Variants in HCRTR2 observed in about 807,000 individuals in gnomAD.
HCRTR2 encodes the protein hypocretin receptor 2, also known as orexin receptor type 2.
Under a neutral mutation model 49.0 loss-of-function variants are expected in HCRTR2, and 22 were observed. That is an observed-to-expected ratio of 0.45 (90% CI 0.32 to 0.64). The LOEUF (loss-of-function observed/expected upper bound fraction) is 0.64. HCRTR2 is among the 30% of genes least tolerant of loss of function. The probability of loss-of-function intolerance (pLI) is 0.04; values close to 1 mark genes in which losing one functional copy is unlikely to be tolerated. For missense variants in HCRTR2, 491 were observed against 559.4 expected, an observed-to-expected ratio of 0.88 and a Z score of 1.23; for synonymous variants, 236 against 205.3, an observed-to-expected ratio of 1.15 and a Z score of -1.28.
At chr6:55,186,312 T>C (rs1765215252) in intron 1 of HCRTR2, among the ~76,000 whole-genome samples, 1 of 152,220 alleles carries the variant, frequency 6.6e-6, no homozygotes, top group Non-Finnish European at 1.5e-5. Flanking sequence ...ATTTCTTCTA[T>C]ATAAATATTT....
At chr6:55,194,038 G>A (rs567017159) in intron 1 of HCRTR2, among the ~76,000 whole-genome samples, 1 of 151,966 alleles carries the variant, frequency 6.6e-6, no homozygotes, top group South Asian at 2.1e-4. Context: ...TGTTTCATTT[G>A]TCTGAATTCC....
chr6:55,255,739 A>C (rs1458510731), intron 3 of HCRTR2, among the ~76,000 whole-genome samples: 2 of 152,196 alleles, frequency 1.3e-5, no homozygotes, highest in African/African-American at 4.8e-5. Context: ...CACGATTTAT[A>C]AGATGGTTCA....
chr6:55,216,535 AG>A (rs1765790750), intron 1 of HCRTR2, among the ~76,000 whole-genome samples: 1 of 152,236 alleles, frequency 6.6e-6, no homozygotes, highest in South Asian at 2.1e-4. Context: ...AACTAGAAGA[AG>A]GGGTTAATGG....
At chr6:55,221,853 T>C (rs1400064743) in intron 1 of HCRTR2, among the ~76,000 whole-genome samples, 3 of 149,302 alleles carry the variant, frequency 2.0e-5, no homozygotes, top group Non-Finnish European at 4.4e-5. Flanking sequence ...ATGAAACTCA[T>C]AGAGAAAAAC....
At chr6:55,176,514 G>T (rs1193664831) in intron 1 of HCRTR2, among the ~76,000 whole-genome samples, 2 of 152,074 alleles carry the variant, frequency 1.3e-5, no homozygotes, top group African/African-American at 4.8e-5. Flanking sequence ...AACACTTATT[G>T]ATAAGTGAAT....
intron 1 of HCRTR2, among the ~76,000 whole-genome samples, chr6:55,222,515 G>GCC: frequency 6.6e-6 from 1 of 152,144 alleles, no homozygotes; most frequent in Non-Finnish European, 1.5e-5. Flanking sequence ...ATTTACAATA[G>GCC]TCAAGAGGTG....
chr6:55,196,885 G>C (rs1185660638), intron 1 of HCRTR2, among the ~76,000 whole-genome samples: 1 of 152,082 alleles, frequency 6.6e-6, no homozygotes, highest in African/African-American at 2.4e-5. Flanking sequence ...TGGTCTTCCA[G>C]GAAGCCTTGA....
At chr6:55,145,504 G>C (rs889314422) in intron 1 of HCRTR2, among the ~76,000 whole-genome samples, 1 of 151,330 alleles carries the variant, frequency 6.6e-6, no homozygotes, top group Non-Finnish European at 1.5e-5. Flanking sequence ...TCCGCCTCCC[G>C]GGTTCATGCC....
intron 4 of HCRTR2, among the ~76,000 whole-genome samples, chr6:55,270,819 G>A (rs1195070615): frequency 1.3e-5 from 2 of 152,018 alleles, no homozygotes; most frequent in African/African-American, 2.4e-5. Flanking sequence ...TTGGTCTCAA[G>A]AATTTCAGAT....
intron 1 of HCRTR2, among the ~76,000 whole-genome samples, chr6:55,236,729 C>T (rs62416798): frequency 0.18 from 27,548 of 151,918 alleles, 2,868 homozygotes; most frequent in Non-Finnish European, 0.24. Flanking sequence ...TTTTTCCTTT[C>T]GTCACTGGTT....
chr6:55,196,990 T>C (rs761157012), intron 1 of HCRTR2, among the ~76,000 whole-genome samples: 1 of 151,038 alleles, frequency 6.6e-6, no homozygotes, highest in African/African-American at 2.5e-5. Context: ...CCCAATCTTA[T>C]CTACAGCCCT....
At chr6:55,163,310 A>G (rs963714602) in intron 1 of HCRTR2, among the ~76,000 whole-genome samples, 6 of 152,300 alleles carry the variant, frequency 3.9e-5, no homozygotes, top group South Asian at 2.1e-4. Flanking sequence ...AAGAGCCCAT[A>G]TAGCCAAAAC....
At chr6:55,181,614 A>G (rs1224949871) in intron 1 of HCRTR2, among the ~76,000 whole-genome samples, 3 of 152,306 alleles carry the variant, frequency 2.0e-5, no homozygotes, top group South Asian at 2.1e-4. Context: ...TCACAACAAC[A>G]TTATGAGGTA....
At chr6:55,138,076 G>A (rs1015173218) in intron 1 of HCRTR2, among the ~76,000 whole-genome samples, 3 of 152,058 alleles carry the variant, frequency 2.0e-5, no homozygotes, top group African/African-American at 7.2e-5. Flanking sequence ...TTATGATTAG[G>A]AGCAATGATC....
At chr6:55,168,170 G>C (rs1025982206) in intron 1 of HCRTR2, among the ~76,000 whole-genome samples, 6 of 152,092 alleles carry the variant, frequency 3.9e-5, no homozygotes, top group African/African-American at 1.4e-4. Flanking sequence ...TATGCCCTTA[G>C]GAGAAAAACA....
chr6:55,217,221 A>G (rs567600279), intron 1 of HCRTR2, among the ~76,000 whole-genome samples: 1 of 152,290 alleles, frequency 6.6e-6, no homozygotes, highest in South Asian at 2.1e-4. Flanking sequence ...TCTTAAAAAT[A>G]TGCAAAATAC....
chr6:55,230,762 G>T (rs2127299794), intron 1 of HCRTR2, among the ~76,000 whole-genome samples: 1 of 152,096 alleles, frequency 6.6e-6, no homozygotes, highest in South Asian at 2.1e-4. Context: ...CTGAACGAAT[G>T]AATTAATGAA....
intron 4 of HCRTR2, among the ~76,000 whole-genome samples, chr6:55,264,319 T>A (rs1392343420): frequency 2.0e-5 from 3 of 152,098 alleles, no homozygotes; most frequent in Non-Finnish European, 4.4e-5. Flanking sequence ...TCAGGCAGAA[T>A]GTATAATTTT....
chr6:55,143,541 T>A (rs1190191047), intron 1 of HCRTR2, among the ~76,000 whole-genome samples: 1 of 152,236 alleles, frequency 6.6e-6, no homozygotes, highest in Non-Finnish European at 1.5e-5. Context: ...TGGTTTTTTG[T>A]CTTATTTGGA....
Sources: gnomAD v4.1 joint callset for allele counts (sites outside exome capture counted in the v4.1 genomes callset) on GRCh38, gnomAD v4.1.1 for gene constraint, MANE v1.5 for transcripts, NCBI Gene and HGNC (gene_info 2026-07-23, HGNC 2026-07-21) for gene names.